TLN2: variants seen among roughly 807,000 people sequenced by gnomAD.
TLN2 encodes the protein talin 2, also known as talin-2.
A neutral mutation model predicts 294.7 loss-of-function variants in TLN2; 118 were observed. The ratio of observed to expected loss-of-function variants is 0.40; its 90% confidence interval spans 0.34 to 0.47. The LOEUF is 0.47. TLN2 is among the 20% of genes least tolerant of loss of function. The pLI, the probability that TLN2 is intolerant of heterozygous loss-of-function variation, is 0.84. For missense variants in TLN2, 3,083 were observed against 3,282.2 expected (o/e 0.94, Z 1.48); for synonymous variants, 1,431 against 1,304.5 (o/e 1.10, Z -2.09).
intron 2 of TLN2, among the ~76,000 whole-genome samples, chr15:62,592,743 G>A (rs531668717): frequency 3.3e-5 from 5 of 152,210 alleles, no homozygotes; most frequent in Non-Finnish European, 7.3e-5. Context: ...ATGAGATCTT[G>A]TAGGGATGAG....
At chr15:62,402,346 G>A (rs1328083835) in intron 1 of TLN2, among the ~76,000 whole-genome samples, 4 of 152,096 alleles carry the variant, frequency 2.6e-5, no homozygotes, top group Non-Finnish European at 2.9e-5. Flanking sequence ...CAGTCTGACC[G>A]TCCCCTTTTC....
chr15:62,758,567 C>A (rs914735097), intron 37 of TLN2: 2 of 152,226 alleles, frequency 1.3e-5, no homozygotes, highest in African/African-American at 4.8e-5. Context: ...CCCCTCACAG[C>A]AGAGTTAAAG....
rs1273620699 is a variant in TLN2, at chr15:62,414,164, C to CAATATA, written c.-238+23479_-238+23480insAATATA. Among the ~76,000 whole-genome samples the CAATATA allele has an allele frequency of 5.6e-3, 507 of 90,598 alleles. 50 individuals carry two copies. Among genetic ancestry groups the CAATATA allele is most frequent in the Admixed American group, 6.2e-3 (39 of 6,324 alleles). The allele number at this position is 90,598 out of a possible 152,430, so 59.4% of individuals were successfully genotyped here. ...AGTGAAGTGTTAGCAAAAAAAAAAA[C>CAATATA]TATATATATATATATATATATATAT... On this transcript the variant is annotated intron_variant, in intron 1 of 58. Coordinates refer to ENST00000636159, the MANE Select transcript of TLN2 (RefSeq NM_015059.3).
intron 54 of TLN2, among the ~76,000 whole-genome samples, chr15:62,821,078 GT>G (rs1194965254): frequency 6.6e-6 from 1 of 152,212 alleles, no homozygotes; most frequent in Non-Finnish European, 1.5e-5. Context: ...TAGCTGGTAT[GT>G]TTTTTCCTTC....
intron 1 of TLN2, among the ~76,000 whole-genome samples, chr15:62,429,767 TTC>T (rs1416386099): frequency 6.6e-6 from 1 of 152,168 alleles, no homozygotes; most frequent in Non-Finnish European, 1.5e-5. Flanking sequence ...ACCAGAAACT[TTC>T]TAGAAGCAAA....
chr15:62,522,941 T>TAC (rs71129007), intron 1 of TLN2, among the ~76,000 whole-genome samples: 13,793 of 133,042 alleles, frequency 0.1, 688 homozygotes, highest in Non-Finnish European at 0.12. Context: ...GAATGTGGCT[T>TAC]ACACACACAC....
intron 3 of TLN2, among the ~76,000 whole-genome samples, chr15:62,641,131 G>A (rs763826570): frequency 1.4e-4 from 22 of 152,050 alleles, no homozygotes; most frequent in Non-Finnish European, 2.8e-4. Flanking sequence ...TGAATAAAGG[G>A]CTAACTAGAA....
At chr15:62,581,104 C>T (rs2044965300) in intron 1 of TLN2, among the ~76,000 whole-genome samples, 1 of 151,874 alleles carries the variant, frequency 6.6e-6, no homozygotes, top group South Asian at 2.1e-4. Context: ...GGATGGTCTC[C>T]TAACACCTCA....
intron 52 of TLN2, among the ~76,000 whole-genome samples, chr15:62,815,197 A>G (rs915234269): frequency 6.7e-6 from 1 of 148,958 alleles, no homozygotes; most frequent in Non-Finnish European, 1.5e-5. Context: ...ACACACACAC[A>G]CACACACACA....
At chr15:62,759,598 A>G (rs568435090) in intron 37 of TLN2, among the ~76,000 whole-genome samples, 139 of 152,310 alleles carry the variant, frequency 9.1e-4, no homozygotes, top group South Asian at 5.6e-3. Flanking sequence ...CTTCTTCCCA[A>G]TAGACTGAGA....
intron 37 of TLN2, among the ~76,000 whole-genome samples, chr15:62,760,670 T>G (rs968133370): frequency 6.6e-6 from 1 of 152,154 alleles, no homozygotes; most frequent in Non-Finnish European, 1.5e-5. Flanking sequence ...CTCATCGAAG[T>G]GTTGACCCTC....
rs28654702 is a variant in TLN2, at chr15:62,607,404, T to G, written c.-161-10947T>G. Among the ~76,000 whole-genome samples, 423 of 152,342 alleles carry G rather than the reference T, an allele frequency of 2.8e-3. 4 individuals carry two copies. Among genetic ancestry groups the G allele is most frequent in the African/African-American group, 9.9e-3 (411 of 41,582 alleles). On this transcript the variant is annotated intron_variant, in intron 2 of 58. Transcript: ENST00000636159. ...ATGGTTTTAAGCTAAAAGAGCTTTA[T>G]TCTGTTGCCTTTGGATTGTTCTTTC... is the stretch of plus-strand genomic sequence containing the variant.
chr15:62,513,973 G>T (rs926366363), intron 1 of TLN2, among the ~76,000 whole-genome samples: 3 of 152,108 alleles, frequency 2.0e-5, no homozygotes, highest in African/African-American at 7.2e-5. Context: ...TAACCCCTCC[G>T]CCCTCTACTA....
At chr15:62,554,929 G>A (rs533183057) in intron 1 of TLN2, among the ~76,000 whole-genome samples, 29 of 151,708 alleles carry the variant, frequency 1.9e-4, no homozygotes, top group African/African-American at 3.6e-4. Context: ...TAGAAAATTC[G>A]TGTACACTTG....
chr15:62,472,669 G>A (rs891861753), intron 1 of TLN2, among the ~76,000 whole-genome samples: 1 of 152,320 alleles, frequency 6.6e-6, no homozygotes, highest in East Asian at 1.9e-4. Context: ...TTGTTCAAAT[G>A]ATTAGGAAAG....
intron 1 of TLN2, among the ~76,000 whole-genome samples, chr15:62,509,942 T>G (rs1196268336): frequency 1.3e-5 from 2 of 152,214 alleles, no homozygotes; most frequent in Non-Finnish European, 2.9e-5. Context: ...GGGGTTTGGA[T>G]AAGGATATTA....
At chr15:62,556,355 G>A (rs1356013899) in intron 1 of TLN2, among the ~76,000 whole-genome samples, 1 of 151,150 alleles carries the variant, frequency 6.6e-6, no homozygotes, top group East Asian at 1.9e-4. Flanking sequence ...CATCCAGGCT[G>A]GAGTGCAGTG....
chr15:62,750,509 G>C lies in TLN2; in HGVS notation c.4209+18G>C, dbSNP rs745660404. On this transcript the variant is annotated intron_variant, in intron 34 of 58. Transcript: ENST00000636159. ...ACTCCAAGGTAAGACTGCCTATGCC[G>C]TAAGTCAGAAGTTAGCATTGCTTGT... 1.2e-5 allele frequency: 19 copies of C among 1,604,086 alleles called. No homozygotes were observed. Among genetic ancestry groups the C allele is most frequent in the Non-Finnish European group, 1.3e-5 (15 of 1,170,844 alleles).
At chr15:62,689,238 T>G (rs1425728881) in intron 12 of TLN2, among the ~76,000 whole-genome samples, 2 of 152,176 alleles carry the variant, frequency 1.3e-5, no homozygotes, top group African/African-American at 4.8e-5. Flanking sequence ...GTAATGGCTT[T>G]TCCCCCTTAA....
Sources: gnomAD v4.1 joint callset for allele counts (sites outside exome capture counted in the v4.1 genomes callset) on GRCh38, gnomAD v4.1.1 for gene constraint, MANE v1.5 for transcripts, NCBI Gene and HGNC (gene_info 2026-07-23, HGNC 2026-07-21) for gene names.